Variants in GAD2 observed in about 807,000 individuals in gnomAD.
GAD2 encodes the protein 65 kDa glutamic acid decarboxylase.
Under a neutral mutation model 80.1 loss-of-function variants are expected in GAD2, and 22 were observed. That is an observed-to-expected ratio of 0.27 (90% CI 0.20 to 0.39). The LOEUF (loss-of-function observed/expected upper bound fraction) is 0.39, where lower values mean the gene tolerates loss of function less well. Ranked by LOEUF, GAD2 falls within the 10% of genes least tolerant of loss-of-function variation. GAD2 has a pLI of 1.00. For synonymous variants in GAD2, 274 were observed against 256.9 expected (o/e 1.07, Z -0.64); for missense variants, 624 against 738.4 (o/e 0.85, Z 1.80).
intron 8 of GAD2, among the ~76,000 whole-genome samples, chr10:26,253,997 G>A (rs917501359): frequency 6.6e-6 from 1 of 152,114 alleles, no homozygotes; most frequent in Non-Finnish European, 1.5e-5. Context: ...ATCATCATCA[G>A]GCATTAGTTA....
rs540733500 is a variant in GAD2, at chr10:26,224,625, G to T, written c.698G>T (p.Gly233Val). ...KMREIIGWPG[G>V]SGDGIFSPGG... Reference sequence around the variant, plus strand: ...AGAGAAATCATTGGCTGGCCAGGGGGCTCTGGCGATGGGATATTTTCTCCC... The same window carrying T: ...AGAGAAATCATTGGCTGGCCAGGGGTCTCTGGCGATGGGATATTTTCTCCC... Residue 233 changes from glycine to valine, a missense_variant, in exon 6 of 16, where the codon GGC becomes GTC. Gly to Val is a moderately radical substitution (Grantham distance 109, BLOSUM62 -3). Transcript: ENST00000376261. The T allele has an allele frequency of 5.6e-6, 9 of 1,613,036 alleles. No homozygotes were observed. In the South Asian group the frequency reaches 9.9e-5, roughly 18 times the overall value.
intron 4 of GAD2, among the ~76,000 whole-genome samples, chr10:26,220,101 T>G (rs1457621141): frequency 6.6e-6 from 1 of 152,232 alleles, no homozygotes; most frequent in Non-Finnish European, 1.5e-5. Flanking sequence ...AGTCAGCCAT[T>G]CATCTGCCCA....
chr10:26,228,125 G>A (rs1396010619), intron 6 of GAD2, among the ~76,000 whole-genome samples: 3 of 152,208 alleles, frequency 2.0e-5, no homozygotes, highest in African/African-American at 7.2e-5. Flanking sequence ...GTTCCCCTTG[G>A]TCAGGAGGTA....
chr10:26,282,621 G>C (rs1448344616), intron 12 of GAD2, among the ~76,000 whole-genome samples: 1 of 151,906 alleles, frequency 6.6e-6, no homozygotes, highest in Non-Finnish European at 1.5e-5. Flanking sequence ...TATCTCTATG[G>C]TTAAAATATT....
intron 9 of GAD2, 70 bp from the exon 10 acceptor site, chr10:26,270,570 C>T (rs1245047741): frequency 6.2e-6 from 7 of 1,121,122 alleles, no homozygotes; most frequent in African/African-American, 1.5e-5. Flanking sequence ...ATTTCCATTG[C>T]TTTGAATCAG....
rs554706175 is a variant in GAD2, at chr10:26,217,941, C to A, written c.236C>A (p.Pro79His). ...RKAACACDQK[P>H]CSCSKVDVNY... Reference sequence around the variant, plus strand: ...GCCGCCTGCGCCTGCGACCAGAAGCCCTGCAGCTGCTCCAAAGTGGATGTC... The same window carrying A: ...GCCGCCTGCGCCTGCGACCAGAAGCACTGCAGCTGCTCCAAAGTGGATGTC... Residue 79 changes from proline to histidine, a missense_variant, in exon 3 of 16, where the codon CCC becomes CAC. Transcript: ENST00000376261. This position sits in a 1 kb window ranked among gnomAD's most constrained non-coding sequence, Gnocchi z 4.9. 1.3e-4 allele frequency: 209 copies of A among 1,611,984 alleles called. 1 individual carries two copies. The South Asian group carries it at 2.1e-3, about 17-fold the overall frequency.
intron 7 of GAD2, among the ~76,000 whole-genome samples, chr10:26,245,153 C>CAAAA (rs1229625147): frequency 1.9e-5 from 1 of 52,328 alleles, no homozygotes; most frequent in African/African-American, 4.7e-5. Context: ...AACTCTGTCT[C>CAAAA]AAAAAAAAAA....
At chr10:26,294,924 A>G (rs1300484024) in intron 15 of GAD2, among the ~76,000 whole-genome samples, 1 of 152,224 alleles carries the variant, frequency 6.6e-6, no homozygotes, top group Non-Finnish European at 1.5e-5. Flanking sequence ...TTAACCAGTT[A>G]GAAATTAGAT....
chr10:26,237,466 G>T (rs532408645), intron 7 of GAD2, among the ~76,000 whole-genome samples: 1 of 151,970 alleles, frequency 6.6e-6, no homozygotes, highest in Non-Finnish European at 1.5e-5. Flanking sequence ...AGTGCACTGC[G>T]CATGGCTCTC....
rs199541417 is a variant in GAD2 at position 26,217,799 on chromosome 10, C to G, written c.137-43C>G. On this transcript the variant is annotated intron_variant, in intron 2 of 15. Coordinates refer to ENST00000376261, the MANE Select transcript of GAD2 (RefSeq NM_001134366.2). This position sits in a 1 kb window ranked among gnomAD's most constrained non-coding sequence, Gnocchi z 4.9. ...TAGGCGGGAGCGAGGGAGCCGGGCC[C>G]GGCGGAGGATTGACGAGGCCCGCGT... 556 of 1,581,890 alleles carry G rather than the reference C, an allele frequency of 3.5e-4. 3 individuals are homozygous for G. In the African/African-American group the frequency reaches 3.8e-3, roughly 11 times the overall value.
chr10:26,282,562 C>A (rs1295515490), intron 12 of GAD2, among the ~76,000 whole-genome samples: 1 of 152,030 alleles, frequency 6.6e-6, no homozygotes, highest in Non-Finnish European at 1.5e-5. Context: ...TCTTCCAAAA[C>A]CTGATTTTAA....
intron 11 of GAD2, among the ~76,000 whole-genome samples, chr10:26,274,129 C>T (rs1163181223): frequency 6.6e-6 from 1 of 152,206 alleles, no homozygotes; most frequent in Admixed American, 6.5e-5. Flanking sequence ...AGCAAATAAG[C>T]ACCTTGTAAC....
chr10:26,254,846 G>A (rs976286499), intron 8 of GAD2, among the ~76,000 whole-genome samples: 6 of 152,218 alleles, frequency 3.9e-5, no homozygotes, highest in Non-Finnish European at 8.8e-5. Flanking sequence ...GAATGAACAG[G>A]AAGTGTTGGC....
chr10:26,288,241 G>C (rs1290973272), intron 13 of GAD2, among the ~76,000 whole-genome samples: 1 of 152,158 alleles, frequency 6.6e-6, no homozygotes. Flanking sequence ...CTCTTTAGTG[G>C]TTTCCAAGGA....
intron 10 of GAD2, 94 bp downstream of exon 10, chr10:26,270,850 G>C (rs1845128998): frequency 6.9e-6 from 6 of 868,460 alleles, no homozygotes; most frequent in Non-Finnish European, 1.2e-5. Flanking sequence ...TTTTTAACTT[G>C]GTCAGCTTAT....
intron 8 of GAD2, among the ~76,000 whole-genome samples, chr10:26,250,028 A>T (rs943338610): frequency 1.4e-5 from 2 of 147,022 alleles, no homozygotes; most frequent in African/African-American, 2.5e-5. Context: ...TATTTCAACA[A>T]TTTTTTTTTT....
At chr10:26,279,112 C>T (rs1025344691) in intron 11 of GAD2, among the ~76,000 whole-genome samples, 1 of 152,022 alleles carries the variant, frequency 6.6e-6, no homozygotes, top group African/African-American at 2.4e-5. Flanking sequence ...CGGAGACAAG[C>T]GTAGAGGCTC....
At chr10:26,291,544 T>C (rs1286952081) in intron 13 of GAD2, among the ~76,000 whole-genome samples, 1 of 152,204 alleles carries the variant, frequency 6.6e-6, no homozygotes, top group Non-Finnish European at 1.5e-5. Context: ...GATGATGTGA[T>C]CTTGTATGAA....
intron 4 of GAD2, among the ~76,000 whole-genome samples, chr10:26,220,410 G>A (rs1844438505): frequency 6.6e-6 from 1 of 152,182 alleles, no homozygotes; most frequent in Non-Finnish European, 1.5e-5. Flanking sequence ...GCTGTGAGAA[G>A]TTTAGTTCTT....
Sources: gnomAD v4.1 joint callset for allele counts (sites outside exome capture counted in the v4.1 genomes callset) on GRCh38, gnomAD v4.1.1 for gene constraint, Gnocchi (gnomAD v3.1) non-coding constraint, MANE v1.5 for transcripts, NCBI Gene and HGNC (gene_info 2026-07-23, HGNC 2026-07-21) for gene names.